Variants in NTNG1 observed in about 807,000 individuals in gnomAD.
NTNG1 encodes the protein netrin G1.
NTNG1 carries 16 observed loss-of-function variants against 54.0 expected under a neutral mutation model. That is an observed-to-expected ratio of 0.30 (90% CI 0.20 to 0.45). The LOEUF (loss-of-function observed/expected upper bound fraction) is 0.45, where lower values mean the gene tolerates loss of function less well. Ranked by LOEUF, NTNG1 falls within the 20% of genes least tolerant of loss-of-function variation. NTNG1 has a pLI of 1.00. For missense variants in NTNG1, 530 were observed against 678.7 expected (o/e 0.78, Z 2.43); for synonymous variants, 255 against 263.1 (o/e 0.97, Z 0.30).
At chr1:107,419,300 C>T (rs1328079881) in intron 5 of NTNG1, among the ~76,000 whole-genome samples, 1 of 151,426 alleles carries the variant, frequency 6.6e-6, no homozygotes, top group Non-Finnish European at 1.5e-5. Context: ...TGGAACTTTT[C>T]CTTTTATCTT....
chr1:107,413,338 T>C (rs1673966528), intron 5 of NTNG1, among the ~76,000 whole-genome samples: 1 of 151,996 alleles, frequency 6.6e-6, no homozygotes, highest in Non-Finnish European at 1.5e-5. Context: ...AATTTTGTTT[T>C]TGGATTTTTA....
intron 6 of NTNG1, among the ~76,000 whole-genome samples, chr1:107,435,975 G>A (rs1186601154): frequency 6.6e-6 from 1 of 152,178 alleles, no homozygotes; most frequent in African/African-American, 2.4e-5. Flanking sequence ...ATTGTGCAAA[G>A]CTGTATTGTC....
chr1:107,426,956 T>C (rs894956807), intron 5 of NTNG1, among the ~76,000 whole-genome samples: 1 of 151,982 alleles, frequency 6.6e-6, no homozygotes, highest in Non-Finnish European at 1.5e-5. Flanking sequence ...GTAAATGGGA[T>C]TGAGTTCTTA....
intron 5 of NTNG1, among the ~76,000 whole-genome samples, chr1:107,417,230 T>A (rs1674275961): frequency 6.6e-6 from 1 of 152,144 alleles, no homozygotes; most frequent in South Asian, 2.1e-4. Flanking sequence ...TCTTCATTCA[T>A]AAATTTTCAT....
chr1:107,177,718 A>G (rs1280188331), intron 2 of NTNG1, among the ~76,000 whole-genome samples: 1 of 152,112 alleles, frequency 6.6e-6, no homozygotes, highest in Non-Finnish European at 1.5e-5. Flanking sequence ...CTTTTGTTTG[A>G]TTTATCAACT....
At chr1:107,332,722 T>C (rs1668355438) in intron 3 of NTNG1, among the ~76,000 whole-genome samples, 1 of 152,092 alleles carries the variant, frequency 6.6e-6, no homozygotes, top group South Asian at 2.1e-4. Context: ...ATGAATTTTA[T>C]CACAGTAATT....
At chr1:107,275,461 T>C (rs1664404962) in intron 2 of NTNG1, among the ~76,000 whole-genome samples, 2 of 152,120 alleles carry the variant, frequency 1.3e-5, no homozygotes, top group Non-Finnish European at 1.5e-5. Context: ...GGCTGACAAG[T>C]CCCAAGATCT....
rs540871237 is a variant in NTNG1 at position 107,342,985 on chromosome 1, A to G, written c.887+18063A>G. 5.3e-5 allele frequency among the ~76,000 whole-genome samples: 8 copies of G among 152,234 alleles called. No homozygotes were observed. In the East Asian group the frequency reaches 1.4e-3, roughly 26 times the overall value. On this transcript the variant is annotated intron_variant, in intron 3 of 7. Coordinates refer to ENST00000370068, the MANE Select transcript of NTNG1 (RefSeq NM_001113226.3). ...TGGTAAGTTGCTGGCTGATGATGAA[A>G]TATCATGGGTATCATCAGTGTTTGC...
chr1:107,154,612 A>C lies in NTNG1; in HGVS notation c.246+5773A>C, dbSNP rs1021277357. Among the ~76,000 whole-genome samples the C allele has an allele frequency of 4.0e-5, 6 of 150,180 alleles. No homozygotes were observed. In the East Asian group the frequency reaches 5.9e-4, roughly 15 times the overall value. On this transcript the variant is annotated intron_variant, in intron 2 of 7. Coordinates refer to ENST00000370068, the MANE Select transcript of NTNG1 (RefSeq NM_001113226.3). ...CCCTGTCTCAAAAAAAAAAAAAAAA[A>C]AAAAAAAAAAAACTGGGTGGAGCAG...
intron 2 of NTNG1, among the ~76,000 whole-genome samples, chr1:107,150,997 G>A (rs1035752825): frequency 6.6e-6 from 1 of 152,184 alleles, no homozygotes; most frequent in Non-Finnish European, 1.5e-5. Flanking sequence ...GTCTTTAAAA[G>A]GCTGCATCTT....
chr1:107,265,952 G>A (rs1438765183), intron 2 of NTNG1, among the ~76,000 whole-genome samples: 2 of 152,112 alleles, frequency 1.3e-5, no homozygotes, highest in African/African-American at 4.8e-5. Context: ...AATTGAAAAT[G>A]CTTCCATCTT....
chr1:107,430,980 G>A (rs1246189061), intron 6 of NTNG1, 63 bp downstream of exon 6: 6 of 1,525,032 alleles, frequency 3.9e-6, no homozygotes, highest in Non-Finnish European at 5.4e-6. Context: ...AGATATTTAG[G>A]GTGGAGAGGC....
intron 2 of NTNG1, among the ~76,000 whole-genome samples, chr1:107,215,269 GATTT>G (rs1659876021): frequency 6.6e-6 from 1 of 152,070 alleles, no homozygotes; most frequent in Admixed American, 6.5e-5. Context: ...TCAGGTCTTA[GATTT>G]ATTTAAGTAT....
intron 2 of NTNG1, among the ~76,000 whole-genome samples, chr1:107,241,400 G>A (rs1259307337): frequency 1.3e-5 from 2 of 152,152 alleles, no homozygotes; most frequent in Non-Finnish European, 2.9e-5. Context: ...GGAGGAAGCG[G>A]TAATATTTAC....
intron 2 of NTNG1, among the ~76,000 whole-genome samples, chr1:107,317,875 C>T (rs1036789178): frequency 8.5e-5 from 13 of 152,124 alleles, no homozygotes; most frequent in African/African-American, 9.7e-5. Flanking sequence ...CATTAGAAAA[C>T]GGAGCAGTTA....
At chr1:107,182,983 T>C (rs1657183727) in intron 2 of NTNG1, among the ~76,000 whole-genome samples, 1 of 152,126 alleles carries the variant, frequency 6.6e-6, no homozygotes, top group Non-Finnish European at 1.5e-5. Context: ...ACCAGAAACA[T>C]GGGATCTAGC....
intron 3 of NTNG1, among the ~76,000 whole-genome samples, chr1:107,329,471 G>A (rs1668153456): frequency 1.3e-5 from 2 of 152,190 alleles, no homozygotes; most frequent in Non-Finnish European, 2.9e-5. Context: ...AAGATGTGAT[G>A]TCAGGCAAGC....
At chr1:107,243,323 A>G (rs553787212) in intron 2 of NTNG1, among the ~76,000 whole-genome samples, 2 of 152,348 alleles carry the variant, frequency 1.3e-5, no homozygotes, top group African/African-American at 4.8e-5. Context: ...AATTCCAAGG[A>G]ATAACCTAAA....
At chr1:107,304,897 C>T (rs1056353385) in intron 2 of NTNG1, among the ~76,000 whole-genome samples, 1 of 152,084 alleles carries the variant, frequency 6.6e-6, no homozygotes, top group Admixed American at 6.5e-5. Context: ...CCCTGCCACC[C>T]CCTGACAGGC....
Sources: allele counts gnomAD v4.1 joint callset (sites outside exome capture counted in the v4.1 genomes callset), GRCh38; gene constraint gnomAD v4.1.1; transcripts MANE v1.5; gene names NCBI Gene and HGNC (gene_info 2026-07-23, HGNC 2026-07-21).